The following SCN7A variants were observed in gnomAD, a reference collection of about 807,000 sequenced individuals.
SCN7A encodes sodium channel protein type 7 subunit alpha.
In SCN7A, 138 loss-of-function variants were observed where a neutral mutation model predicts 155.2. The observed-to-expected ratio is 0.89, with a 90% CI of 0.77 to 1.02. The LOEUF (loss-of-function observed/expected upper bound fraction) is 1.02. Ranked by LOEUF, SCN7A falls within the 50% of genes least tolerant of loss-of-function variation. SCN7A has a pLI of 0.00. For synonymous variants in SCN7A, 693 were observed against 649.0 expected (o/e 1.07, Z -1.03); for missense variants, 2,058 against 1,986.6 (o/e 1.04, Z -0.68).
chr2:166,447,575 C>A (rs1387079256), intron 12 of SCN7A, 37 bp downstream of exon 12: 1 of 1,329,208 alleles, frequency 7.5e-7, no homozygotes, highest in Admixed American at 1.9e-5. Context: ...ATGAGTAGTA[C>A]CTTCAATAGT....
At chr2:166,435,741 ATAT>A (rs1012433922) in intron 15 of SCN7A, among the ~76,000 whole-genome samples, 1 of 152,118 alleles carries the variant, frequency 6.6e-6, no homozygotes, top group Non-Finnish European at 1.5e-5. Context: ...GTCTATGATC[ATAT>A]TTTTTATTTT....
chr2:166,474,032 T>A (rs1371479482), intron 4 of SCN7A, 144 bp from the exon 5 acceptor site: 1 of 525,692 alleles, frequency 1.9e-6, no homozygotes, highest in African/African-American at 2.0e-5. Context: ...ACTATTGTTG[T>A]GTATATTAGA....
intron 15 of SCN7A, among the ~76,000 whole-genome samples, chr2:166,437,573 G>A (rs1701865820): frequency 6.6e-6 from 1 of 152,134 alleles, no homozygotes; most frequent in South Asian, 2.1e-4. Context: ...TAGACACACT[G>A]ACAGCCTGCA....
rs903040636 is a variant in SCN7A, at chr2:166,410,401, A to G, written c.3607-77T>C. The G allele has an allele frequency of 3.3e-6, 3 of 917,970 alleles. No homozygotes were observed. The African/African-American group carries it at 5.1e-5, about 16-fold the overall frequency. 56.9% of individuals were successfully genotyped at this position (917,970 alleles called of 1,614,324 possible). ...CCTTATGTTAATAGGCATTTTAAAG[A>G]CTTGGCAATTATTGATTTAATCTTC... On this transcript the variant is annotated intron_variant, in intron 23 of 25. Coordinates refer to ENST00000643258, the MANE Select transcript of SCN7A (RefSeq NM_002976.4).
chr2:166,453,292 T>C (rs1702211573), intron 11 of SCN7A, among the ~76,000 whole-genome samples: 3 of 152,112 alleles, frequency 2.0e-5, no homozygotes, highest in African/African-American at 7.2e-5. Flanking sequence ...GCAATAAATG[T>C]TGCATGATAT....
chr2:166,480,200 G>A (rs1406243534), intron 2 of SCN7A, among the ~76,000 whole-genome samples: 1 of 152,166 alleles, frequency 6.6e-6, no homozygotes, highest in African/African-American at 2.4e-5. Context: ...GCTCATGCCT[G>A]TAATCCCAGC....
At chr2:166,441,787 A>G (rs1322949416) in intron 14 of SCN7A, 35 bp from the exon 15 acceptor site, 1 of 1,515,630 alleles carries the variant, frequency 6.6e-7, no homozygotes, top group Non-Finnish European at 8.9e-7. Context: ...AACAAGAAAC[A>G]AATGACAAAA....
At chr2:166,480,580 C>T (rs1295961116) in intron 2 of SCN7A, among the ~76,000 whole-genome samples, 2 of 151,208 alleles carry the variant, frequency 1.3e-5, no homozygotes, top group African/African-American at 2.4e-5. Flanking sequence ...TCTTTATAAA[C>T]ATTCCTTACT....
intron 20 of SCN7A, among the ~76,000 whole-genome samples, chr2:166,418,567 C>T (rs1456380623): frequency 2.0e-5 from 3 of 151,776 alleles, no homozygotes; most frequent in African/African-American, 7.3e-5. Flanking sequence ...CTTTTGCCTG[C>T]ATACTCTTCC....
intron 11 of SCN7A, among the ~76,000 whole-genome samples, chr2:166,453,872 T>G (rs1702225867): frequency 6.6e-6 from 1 of 152,168 alleles, no homozygotes; most frequent in Non-Finnish European, 1.5e-5. Context: ...TTTTTTCTAA[T>G]TTTTTGTATT....
chr2:166,423,481 A>C, intron 18 of SCN7A, 49 bp from the exon 19 acceptor site: 1 of 1,453,000 alleles, frequency 6.9e-7, no homozygotes, highest in Non-Finnish European at 9.0e-7. Context: ...GGTAATTTCT[A>C]AAAACTCTTT....
chr2:166,474,717 T>G (rs946086860), intron 3 of SCN7A, among the ~76,000 whole-genome samples: 5 of 151,740 alleles, frequency 3.3e-5, no homozygotes, highest in Admixed American at 6.6e-5. Context: ...AGAACGTTAA[T>G]GAATGTTAAA....
At position 166,444,885 on chromosome 2, in the gene SCN7A, A is replaced by T; in HGVS notation, c.1503T>A (p.Ile501=). The T allele has an allele frequency of 1.2e-6, 2 of 1,612,656 alleles. No homozygotes were observed. The change falls in exon 13 of 26, where the codon ATT becomes ATA. Residue 501 remains isoleucine, a synonymous_variant. Coordinates refer to ENST00000643258, the MANE Select transcript of SCN7A (RefSeq NM_002976.4). ...AAAGATCAGTAAATGGTGCCATTAT[A>T]ATCCTATGGACAAACTCTTTCAATT... ...WLKLKEFVHR[I]IMAPFTDLFL...
At chr2:166,458,550 A>C (rs918645848) in intron 10 of SCN7A, among the ~76,000 whole-genome samples, 2 of 152,190 alleles carry the variant, frequency 1.3e-5, no homozygotes, top group African/African-American at 4.8e-5. Context: ...ATTTAGGTCA[A>C]TGACCAGCAG....
chr2:166,416,599 A>C, intron 21 of SCN7A, 108 bp downstream of exon 21: 1 of 1,026,918 alleles, frequency 9.7e-7, no homozygotes, highest in Non-Finnish European at 1.4e-6. Flanking sequence ...CTAATTGCTA[A>C]AATATTTTAT....
At chr2:166,455,864 T>G (rs796274855) in intron 11 of SCN7A, among the ~76,000 whole-genome samples, 12 of 152,190 alleles carry the variant, frequency 7.9e-5, no homozygotes, top group African/African-American at 2.9e-4. Context: ...TTTACTTATT[T>G]TGAACCAGGC....
Position 166,404,833 on chromosome 2 carries a change from A to G in SCN7A, c.*747T>C, listed in dbSNP as rs955541459. The G allele has an allele frequency of 4.7e-5, 7 of 150,394 alleles. No homozygotes were observed. The highest frequency in any genetic ancestry group is 1.7e-4 in the African/African-American group (7 of 41,154). The allele number at this position is 150,394 out of a possible 1,614,324, so 9.3% of individuals were successfully genotyped here. A position where few individuals can be genotyped will look rare whatever the true frequency, so the allele number is the denominator to read the frequency against. On this transcript the variant is annotated 3_prime_UTR_variant, in exon 26 of 26. Coordinates refer to ENST00000643258, the MANE Select transcript of SCN7A (RefSeq NM_002976.4). The stretch of plus-strand genomic sequence containing the variant: ...TAAATGAGAAGAAAATGAAAAAAAA[A>G]AAAAAAAAAAAGGCTATACCTCTCC...
At chr2:166,463,056 A>G (rs967886481) in intron 9 of SCN7A, among the ~76,000 whole-genome samples, 2 of 152,218 alleles carry the variant, frequency 1.3e-5, no homozygotes, top group Non-Finnish European at 2.9e-5. Flanking sequence ...AACTGATGGA[A>G]AATAGTACTG....
intron 10 of SCN7A, among the ~76,000 whole-genome samples, chr2:166,459,472 G>A (rs894478952): frequency 6.6e-6 from 1 of 152,098 alleles, no homozygotes; most frequent in South Asian, 2.1e-4. Flanking sequence ...ACACTGTTTT[G>A]TTCATTTCTG....
Sources: gnomAD v4.1 joint callset for allele counts (sites outside exome capture counted in the v4.1 genomes callset) on GRCh38, gnomAD v4.1.1 for gene constraint, MANE v1.5 for transcripts, NCBI Gene and HGNC (gene_info 2026-07-23, HGNC 2026-07-21) for gene names.